Variants in ARHGAP42 observed in about 807,000 individuals in gnomAD.
ARHGAP42 encodes Rho GTPase activating protein 42.
In ARHGAP42, 63 loss-of-function variants were observed where a neutral mutation model predicts 125.0. The observed-to-expected ratio is 0.50, with a 90% CI of 0.41 to 0.62. The LOEUF is 0.62. ARHGAP42 is among the 20% of genes least tolerant of loss of function. ARHGAP42 has a pLI of 0.00. For missense variants in ARHGAP42, 766 were observed against 1,024.2 expected, an observed-to-expected ratio of 0.75 and a Z score of 3.44; for synonymous variants, 339 against 351.0, an observed-to-expected ratio of 0.97 and a Z score of 0.38.
At chr11:100,939,571 T>A (rs1230832234) in intron 8 of ARHGAP42, among the ~76,000 whole-genome samples, 1 of 152,188 alleles carries the variant, frequency 6.6e-6, no homozygotes. Flanking sequence ...AGATAAAATA[T>A]GGGCACTTAG....
intron 22 of ARHGAP42, chr11:100,986,113 G>A (rs762942700): frequency 2.4e-5 from 11 of 456,460 alleles, no homozygotes; most frequent in East Asian, 2.1e-4. Flanking sequence ...ATCAGACATC[G>A]TTCGTGGAGA....
rs1258347774 is a variant in ARHGAP42 at position 100,921,481 on chromosome 11, T to G, written c.487-13T>G. ...AGAACCATCAGTAATCACCCTCTGG[T>G]TTTTCTCTTTAGGCAGATACACAAA... On this transcript the variant is annotated splice_polypyrimidine_tract_variant and intron_variant, in intron 5 of 23. Transcript: ENST00000298815. 1 of 1,522,090 alleles carries G rather than the reference T, an allele frequency of 6.6e-7. No individual in the cohort carries two copies. Among genetic ancestry groups the G allele is most frequent in the Non-Finnish European group, 8.9e-7 (1 of 1,126,004 alleles). 94.3% of individuals were successfully genotyped at this position (1,522,090 alleles called of 1,614,324 possible). A position where few individuals can be genotyped will look rare whatever the true frequency, so the allele number is the denominator to read the frequency against.
chr11:100,918,953 C>T (rs983075375), intron 5 of ARHGAP42, among the ~76,000 whole-genome samples: 3 of 152,104 alleles, frequency 2.0e-5, no homozygotes, highest in African/African-American at 7.2e-5. Context: ...CCCAAGACCA[C>T]CCCCAGCTTT....
rs1858878246 is a variant in ARHGAP42, at chr11:100,992,897, C to A, written c.*4096C>A. The A allele has an allele frequency of 1.8e-6, 1 of 571,152 alleles. No homozygotes were observed. The highest frequency in any genetic ancestry group is 3.1e-5 in the East Asian group (1 of 32,482). The allele number at this position is 571,152 out of a possible 1,614,324, so 35.4% of individuals were successfully genotyped here. On this transcript the variant is annotated 3_prime_UTR_variant, in exon 24 of 24. Transcript: ENST00000298815. ...GTTTAGGGGGCCCAGCCCATCATTC[C>A]TTTTCCCCTTGGCACTCATGAGAGA... is the stretch of plus-strand genomic sequence containing the variant.
intron 1 of ARHGAP42, among the ~76,000 whole-genome samples, chr11:100,756,193 C>T (rs990174190): frequency 3.9e-5 from 5 of 129,068 alleles, no homozygotes; most frequent in Non-Finnish European, 7.7e-5. Flanking sequence ...CGAGACTAGC[C>T]TGGTCAATAC....
intron 1 of ARHGAP42, 128 bp from the exon 2 acceptor site, chr11:100,770,215 C>T: frequency 1.6e-6 from 1 of 642,282 alleles, no homozygotes; most frequent in Non-Finnish European, 2.6e-6. Context: ...TTAAATTAGT[C>T]AAACTGGTAT....
At position 100,952,409 on chromosome 11, in the gene ARHGAP42, A is replaced by T. The variant is rs538452495; in HGVS notation, c.1162+2453A>T. Among the ~76,000 whole-genome samples the T allele has an allele frequency of 9.2e-5, 14 of 152,332 alleles. No homozygotes were observed. The East Asian group carries it at 2.3e-3, about 25-fold the overall frequency. ...ATCTAATAAATCACTTTATAAATGC[A>T]GATTAAGTATTATGTTGAAATTAAG... On this transcript the variant is annotated intron_variant, in intron 12 of 23. Coordinates refer to ENST00000298815, the MANE Select transcript of ARHGAP42 (RefSeq NM_152432.4).
At chr11:100,896,897 G>A (rs1365059579) in intron 4 of ARHGAP42, among the ~76,000 whole-genome samples, 2 of 152,166 alleles carry the variant, frequency 1.3e-5, no homozygotes, top group African/African-American at 2.4e-5. Context: ...TGGTGTTTTA[G>A]TCATGAAGTC....
intron 6 of ARHGAP42, among the ~76,000 whole-genome samples, chr11:100,930,763 T>G (rs1280754152): frequency 6.6e-6 from 1 of 152,164 alleles, no homozygotes; most frequent in Non-Finnish European, 1.5e-5. Flanking sequence ...TCAAAATACG[T>G]CCGTAAGAGT....
At chr11:100,905,010 T>C (rs1280015524) in intron 4 of ARHGAP42, among the ~76,000 whole-genome samples, 1 of 152,218 alleles carries the variant, frequency 6.6e-6, no homozygotes, top group Non-Finnish European at 1.5e-5. Flanking sequence ...AATGAATTAA[T>C]AAAAATCTAC....
intron 6 of ARHGAP42, among the ~76,000 whole-genome samples, chr11:100,927,563 C>T (rs1202242092): frequency 6.6e-6 from 1 of 152,090 alleles, no homozygotes; most frequent in Admixed American, 6.6e-5. Flanking sequence ...AGTAAGAAAA[C>T]TGCATCCTAT....
Position 100,926,546 on chromosome 11 carries a change from A to ATAAT in ARHGAP42, c.597+4943_597+4946dup, listed in dbSNP as rs535720435. Among the ~76,000 whole-genome samples the ATAAT allele has an allele frequency of 5.9e-5, 9 of 152,376 alleles. No homozygotes were observed. In the South Asian group the frequency reaches 1.9e-3, roughly 32 times the overall value. On this transcript the variant is annotated intron_variant, in intron 6 of 23. Transcript: ENST00000298815. ...CCTTTGGTAAGCAGAGACAGAAAGT[A>ATAAT]TAATAGCTTAACGAGTTGGAATAAG...
At chr11:100,741,469 T>A (rs1862185339) in intron 1 of ARHGAP42, among the ~76,000 whole-genome samples, 1 of 152,232 alleles carries the variant, frequency 6.6e-6, no homozygotes, top group South Asian at 2.1e-4. Flanking sequence ...TTGTGGGCTG[T>A]TTCCTGTTAG....
At chr11:100,749,193 G>A (rs761374719) in intron 1 of ARHGAP42, among the ~76,000 whole-genome samples, 1 of 152,102 alleles carries the variant, frequency 6.6e-6, no homozygotes, top group African/African-American at 2.4e-5. Context: ...CTTATGTGAG[G>A]TTCAACCCCC....
At chr11:100,740,762 T>G (rs1217488359) in intron 1 of ARHGAP42, among the ~76,000 whole-genome samples, 1 of 152,188 alleles carries the variant, frequency 6.6e-6, no homozygotes, top group Non-Finnish European at 1.5e-5. Flanking sequence ...ATTTTGCTGC[T>G]CCAGGGAAGA....
chr11:100,888,530 C>T (rs1866148132), intron 4 of ARHGAP42, among the ~76,000 whole-genome samples: 1 of 152,056 alleles, frequency 6.6e-6, no homozygotes, highest in African/African-American at 2.4e-5. Context: ...TTTCTAAGTA[C>T]ATATGGAAAA....
intron 1 of ARHGAP42, among the ~76,000 whole-genome samples, chr11:100,719,333 A>AG (rs553486743): frequency 6.1e-4 from 93 of 152,320 alleles, no homozygotes; most frequent in African/African-American, 2.2e-3. Context: ...CTGTAACAGG[A>AG]GGATGTATCT....
chr11:100,801,940 T>C (rs1863862281), intron 3 of ARHGAP42, among the ~76,000 whole-genome samples: 1 of 152,216 alleles, frequency 6.6e-6, no homozygotes, highest in Admixed American at 6.5e-5. Flanking sequence ...CGATTATTGA[T>C]ATATGCTTTT....
chr11:100,892,501 A>G (rs1489961258), intron 4 of ARHGAP42, among the ~76,000 whole-genome samples: 1 of 151,922 alleles, frequency 6.6e-6, no homozygotes, highest in Non-Finnish European at 1.5e-5. Context: ...TCATGCTGTA[A>G]AATCTGGTGG....
Sources: gnomAD v4.1 joint callset for allele counts (sites outside exome capture counted in the v4.1 genomes callset) on GRCh38, gnomAD v4.1.1 for gene constraint, MANE v1.5 for transcripts, NCBI Gene and HGNC (gene_info 2026-07-23, HGNC 2026-07-21) for gene names.